The following GALNTL6 variants were observed in gnomAD, a reference collection of about 807,000 sequenced individuals.
GALNTL6 encodes the protein polypeptide N-acetylgalactosaminyltransferase like 6, also known as polypeptide N-acetylgalactosaminyltransferase-like 6.
Under a neutral mutation model 73.7 loss-of-function variants are expected in GALNTL6, and 46 were observed. The observed-to-expected ratio is 0.62, with a 90% confidence interval of 0.49 to 0.80. The LOEUF (loss-of-function observed/expected upper bound fraction) is 0.80. GALNTL6 is among the 30% of genes least tolerant of loss of function. The pLI, the probability that GALNTL6 is intolerant of heterozygous loss-of-function variation, is 0.00. For synonymous variants in GALNTL6, 259 were observed against 263.7 expected, an observed-to-expected ratio of 0.98 and a Z score of 0.17; for missense variants, 604 against 755.0, an observed-to-expected ratio of 0.80 and a Z score of 2.34.
chr4:172,956,959 G>C (rs1749780596), intron 10 of GALNTL6, among the ~76,000 whole-genome samples: 1 of 152,188 alleles, frequency 6.6e-6, no homozygotes. Flanking sequence ...ATAGAGGTGG[G>C]AAGGCCAAAC....
At chr4:172,464,575 C>T (rs1390526612) in intron 5 of GALNTL6, among the ~76,000 whole-genome samples, 4 of 151,952 alleles carry the variant, frequency 2.6e-5, no homozygotes, top group South Asian at 2.1e-4. Flanking sequence ...AGTGTGGTGG[C>T]GCATGCCTGT....
chr4:172,788,545 G>A lies in GALNTL6; in HGVS notation c.554-20816G>A, dbSNP rs575440498. On this transcript the variant is annotated intron_variant, in intron 5 of 12. Transcript: ENST00000506823. ...AAATTAGCCGGGCGTGTTGGCGGGC[G>A]CCTGTAGTCCCAGCTACTCGGGAGG... Among the ~76,000 whole-genome samples, 8 of 151,856 alleles carry A rather than the reference G, an allele frequency of 5.3e-5. No homozygotes were observed. The South Asian group carries it at 1.5e-3, about 28-fold the overall frequency.
At chr4:173,011,781 T>A (rs1752565273) in intron 11 of GALNTL6, among the ~76,000 whole-genome samples, 1 of 152,202 alleles carries the variant, frequency 6.6e-6, no homozygotes, top group African/African-American at 2.4e-5. Context: ...TCAGTTTAAG[T>A]GAGATGTGAT....
At chr4:172,336,448 T>C (rs1428570541) in intron 4 of GALNTL6, among the ~76,000 whole-genome samples, 1 of 151,296 alleles carries the variant, frequency 6.6e-6, no homozygotes, top group Non-Finnish European at 1.5e-5. Context: ...ATTTTTTTTT[T>C]TTTTTTTAAG....
intron 2 of GALNTL6, among the ~76,000 whole-genome samples, chr4:171,960,098 C>T (rs1204069857): frequency 6.6e-6 from 1 of 152,136 alleles, no homozygotes; most frequent in Non-Finnish European, 1.5e-5. Context: ...ACTACAGGTA[C>T]AGATTGTAGG....
intron 5 of GALNTL6, among the ~76,000 whole-genome samples, chr4:172,609,237 T>C (rs2111044484): frequency 6.6e-6 from 1 of 152,252 alleles, no homozygotes; most frequent in Middle Eastern, 3.4e-3. Flanking sequence ...TCATAGGGAA[T>C]ATTTCTAGAT....
intron 5 of GALNTL6, among the ~76,000 whole-genome samples, chr4:172,724,229 T>G (rs1301036929): frequency 6.6e-6 from 1 of 152,224 alleles, no homozygotes. Context: ...TCAATCCTTC[T>G]TCTCAACTTC....
intron 2 of GALNTL6, among the ~76,000 whole-genome samples, chr4:171,927,604 C>G (rs1379261033): frequency 6.6e-6 from 1 of 151,964 alleles, no homozygotes; most frequent in Non-Finnish European, 1.5e-5. Flanking sequence ...CCTTGGCACC[C>G]CTTAGTCCTC....
chr4:171,886,575 A>G (rs1012842740), intron 2 of GALNTL6, among the ~76,000 whole-genome samples: 5 of 152,342 alleles, frequency 3.3e-5, no homozygotes, highest in Admixed American at 2.6e-4. Context: ...AATTTACAAA[A>G]GAGAGAGGTT....
At chr4:172,265,441 T>C (rs1050811636) in intron 3 of GALNTL6, among the ~76,000 whole-genome samples, 12 of 152,092 alleles carry the variant, frequency 7.9e-5, no homozygotes, top group African/African-American at 2.9e-4. Flanking sequence ...AAGCATTTCA[T>C]TGGGTTGTCA....
intron 5 of GALNTL6, among the ~76,000 whole-genome samples, chr4:172,615,688 A>T (rs1269084207): frequency 2.6e-5 from 4 of 152,228 alleles, no homozygotes; most frequent in Non-Finnish European, 4.4e-5. Context: ...ATCTAGTGAT[A>T]GTTATGAATC....
intron 5 of GALNTL6, among the ~76,000 whole-genome samples, chr4:172,535,248 A>G (rs2110857866): frequency 6.6e-6 from 1 of 152,356 alleles, no homozygotes; most frequent in South Asian, 2.1e-4. Flanking sequence ...ATGTCTTCAT[A>G]AATATAATAA....
intron 2 of GALNTL6, among the ~76,000 whole-genome samples, chr4:172,153,639 C>T (rs538945051): frequency 5.9e-5 from 9 of 152,236 alleles, no homozygotes; most frequent in East Asian, 1.9e-4. Flanking sequence ...TAAATTGCCA[C>T]GCTGGTTTGT....
chr4:172,936,685 A>G (rs1271469736), intron 9 of GALNTL6, among the ~76,000 whole-genome samples: 1 of 152,196 alleles, frequency 6.6e-6, no homozygotes, highest in African/African-American at 2.4e-5. Context: ...AGAGAATAAA[A>G]TACCCAGGAA....
chr4:172,835,872 A>G (rs80343059), intron 7 of GALNTL6, among the ~76,000 whole-genome samples: 5,501 of 152,304 alleles, frequency 0.036, 154 homozygotes, highest in Non-Finnish European at 0.059. Flanking sequence ...ACATTTTCCC[A>G]CAGGACTTCC....
At chr4:172,318,890 T>C (rs1028867722) in intron 4 of GALNTL6, among the ~76,000 whole-genome samples, 2 of 152,154 alleles carry the variant, frequency 1.3e-5, no homozygotes, top group African/African-American at 2.4e-5. Context: ...GAACAGCCTC[T>C]GTAATCTTAT....
intron 10 of GALNTL6, among the ~76,000 whole-genome samples, chr4:172,974,019 T>A (rs781042378): frequency 9.2e-5 from 14 of 152,240 alleles, no homozygotes; most frequent in Non-Finnish European, 2.1e-4. Context: ...CCTTTGAAGG[T>A]ATGTGGGAAC....
intron 2 of GALNTL6, among the ~76,000 whole-genome samples, chr4:172,114,689 A>G (rs923420736): frequency 4.6e-5 from 7 of 152,264 alleles, no homozygotes; most frequent in African/African-American, 1.4e-4. Context: ...TTTTAAAAGA[A>G]AAAATGAATG....
chr4:172,681,191 C>A (rs10029955), intron 5 of GALNTL6, among the ~76,000 whole-genome samples: 3 of 151,876 alleles, frequency 2.0e-5, no homozygotes, highest in African/African-American at 4.8e-5. Flanking sequence ...ATAATAAAAC[C>A]TCCCCAGGTT....
Sources: allele counts gnomAD v4.1 joint callset (sites outside exome capture counted in the v4.1 genomes callset), GRCh38; gene constraint gnomAD v4.1.1; transcripts MANE v1.5; gene names NCBI Gene and HGNC (gene_info 2026-07-23, HGNC 2026-07-21).